Variants in ANKRD1 observed in about 807,000 individuals in gnomAD.
The protein encoded by ANKRD1 is ankyrin repeat domain-containing protein 1.
A neutral mutation model predicts 40.1 loss-of-function variants in ANKRD1; 32 were observed. That is an observed-to-expected ratio of 0.80 (90% CI 0.60 to 1.07). The LOEUF is 1.07. ANKRD1 is among the 50% of genes least tolerant of loss of function. The probability of loss-of-function intolerance (pLI) is 0.00; values close to 1 mark genes in which losing one functional copy is unlikely to be tolerated. For synonymous variants in ANKRD1, 149 were observed against 141.2 expected (o/e 1.06, Z -0.39); for missense variants, 359 against 386.0 (o/e 0.93, Z 0.59).
chr10:90,918,397 A>G (rs185141753), intron 4 of ANKRD1, among the ~76,000 whole-genome samples: 26 of 152,256 alleles, frequency 1.7e-4, no homozygotes, highest in African/African-American at 5.8e-4. Context: ...CCAATGCCCC[A>G]TGTTTACAGA....
chr10:90,916,192 T>G lies in ANKRD1; in HGVS notation c.630A>C (p.Ala210=), dbSNP rs751422509. 1 of 1,613,740 alleles carries G rather than the reference T, an allele frequency of 6.2e-7. No individual in the cohort carries two copies. Among genetic ancestry groups the G allele is most frequent in the African/African-American group, 1.3e-5 (1 of 74,852 alleles). ...DVLKLLLNKG[A]KISARDKLLS... ...ATACCTTATCTCGGGCGCTAATTTTTGCTCCTTTATTCAGCAACAATTTTA... is the reference window on the plus strand; with the variant it reads ...ATACCTTATCTCGGGCGCTAATTTTGGCTCCTTTATTCAGCAACAATTTTA... Residue 210 remains alanine (A), a synonymous_variant, in exon 6 of 9, where the codon GCA becomes GCC. Coordinates refer to ENST00000371697, the MANE Select transcript of ANKRD1 (RefSeq NM_014391.3).
chr10:90,917,765 CATTA>C lies in ANKRD1; in HGVS notation c.515_518del (p.Leu172TrpfsTer30). The C allele has an allele frequency of 6.2e-7, 1 of 1,614,050 alleles. No homozygotes were observed. The highest frequency in any genetic ancestry group is 8.5e-7 in the Non-Finnish European group (1 of 1,179,944). ...GGAATTCGATCTGGGCTCCAGCTTCCATTAACTTCTCCACAATTGCCAAATGTCC... is the reference window on the plus strand; with the variant it reads ...GGAATTCGATCTGGGCTCCAGCTTCCACTTCTCCACAATTGCCAAATGTCC... On this transcript the variant is annotated frameshift_variant, in exon 5 of 9. Coordinates refer to ENST00000371697, the MANE Select transcript of ANKRD1 (RefSeq NM_014391.3). LOFTEE classifies it high-confidence loss of function.
chr10:90,915,781 C>G lies in ANKRD1; in HGVS notation c.750+1G>C, dbSNP rs766707531. The G allele has an allele frequency of 2.5e-6, 4 of 1,613,796 alleles. No individual in the cohort carries two copies. Among genetic ancestry groups the G allele is most frequent in the African/African-American group, 1.3e-5 (1 of 74,830 alleles). Reference sequence around the variant, plus strand: ...AAACCCGAGCGTGTCCAGCTACTCACTCTGTCTTTGGCGTTGAGGTCTGCC... The same window carrying G: ...AAACCCGAGCGTGTCCAGCTACTCAGTCTGTCTTTGGCGTTGAGGTCTGCC... On this transcript the variant is annotated splice_donor_variant, in intron 7 of 8. Transcript: ENST00000371697. LOFTEE classifies it high-confidence loss of function.
In ANKRD1 at chr10:90,916,225, C is replaced by A; in HGVS notation, c.597G>T (p.Leu199=). The part of the protein sequence containing the change: ...AIHWASRGGN[L]DVLKLLLNKG... Reference sequence around the variant, plus strand: ...TATTCAGCAACAATTTTAAAACATCCAGGTTTCCTCCACGGCTTGCCCAGT... The same window carrying A: ...TATTCAGCAACAATTTTAAAACATCAAGGTTTCCTCCACGGCTTGCCCAGT... The change falls in exon 6 of 9, where the codon CTG becomes CTT. Residue 199 remains leucine, a synonymous_variant. Coordinates refer to ENST00000371697, the MANE Select transcript of ANKRD1 (RefSeq NM_014391.3). 1 of 1,613,980 alleles carries A rather than the reference C, an allele frequency of 6.2e-7. No homozygotes were observed.
rs757040674 is a variant in ANKRD1 at position 90,920,348 on chromosome 10, C to T, written c.28G>A (p.Val10Ile). ...CCATTGCCATTCTTCTTTCCAGTGA[C>T]CTATGAGGGAAGAAGATGGCAGCGT... MMVLKVEEL[V>I]TGKKNGNGEA... The change falls in exon 2 of 9, where the codon GTC (valine) becomes ATC (isoleucine). Residue 10 changes from valine to isoleucine, a missense_variant and splice_region_variant. By Grantham distance (29) the Val-to-Ile change is conservative. Transcript: ENST00000371697. 14 of 1,613,904 alleles carry T rather than the reference C, an allele frequency of 8.7e-6. No homozygotes were observed. The South Asian group carries it at 8.8e-5, about 10-fold the overall frequency.
chr10:90,919,299 G>T (rs1847408461), intron 2 of ANKRD1, 31 bp from the exon 3 acceptor site: 1 of 1,582,000 alleles, frequency 6.3e-7, no homozygotes, highest in Non-Finnish European at 8.6e-7. Flanking sequence ...TCAAAAATAT[G>T]GTGAGTTCTA....
Position 90,912,797 on chromosome 10 carries a change from G to A in ANKRD1, c.*69C>T. On this transcript the variant is annotated 3_prime_UTR_variant, in exon 9 of 9. Coordinates refer to ENST00000371697, the MANE Select transcript of ANKRD1 (RefSeq NM_014391.3). Reference sequence around the variant, plus strand: ...ATAGAAACTAGATTTTATGGCTAGTGTCTCTTCTCTTGGGCCATGCCTTCA... The same window carrying A: ...ATAGAAACTAGATTTTATGGCTAGTATCTCTTCTCTTGGGCCATGCCTTCA... 2.2e-6 allele frequency: 3 copies of A among 1,367,166 alleles called. No individual in the cohort carries two copies. The highest frequency in any genetic ancestry group is 3.1e-6 in the Non-Finnish European group (3 of 955,450). 84.7% of individuals were successfully genotyped at this position (1,367,166 alleles called of 1,614,324 possible).
In ANKRD1 at chr10:90,919,741, A is replaced by G. The variant is rs571158565; in HGVS notation, c.207+428T>C. 1.2e-3 allele frequency among the ~76,000 whole-genome samples: 181 copies of G among 152,358 alleles called. 1 individual carries two copies. Among genetic ancestry groups the G allele is most frequent in the African/African-American group, 4.2e-3 (173 of 41,582 alleles). ...GACTGTCCAGGGACCACAGCTAACT[A>G]AAGCAAATTTTATCTGTGTTAGTAA... On this transcript the variant is annotated intron_variant, in intron 2 of 8. Transcript: ENST00000371697.
intron 8 of ANKRD1, 136 bp downstream of exon 8, chr10:90,915,407 G>A: frequency 1.3e-6 from 1 of 783,338 alleles, no homozygotes; most frequent in Non-Finnish European, 2.2e-6. Flanking sequence ...CACTGTCCTT[G>A]GGGAAATGGG....
intron 4 of ANKRD1, 24 bp from the exon 5 acceptor site, chr10:90,917,854 A>G (rs752541765): frequency 3.8e-6 from 6 of 1,572,708 alleles, no homozygotes; most frequent in African/African-American, 1.4e-5. Context: ...GATTTTAAAC[A>G]GAGATAGCAA....
At position 90,920,324 on chromosome 10, in the gene ANKRD1, C is replaced by T. The variant is rs778081649; in HGVS notation, c.52G>A (p.Gly18Arg). The T allele has an allele frequency of 1.7e-5, 27 of 1,614,154 alleles. 1 individual carries two copies. In the South Asian group the frequency reaches 2.9e-4, roughly 17 times the overall value. Residue 18 changes from glycine (G) to arginine (R), a missense_variant, in exon 2 of 9, where the codon GGG (glycine) becomes AGG (arginine). Gly to Arg is a moderately radical substitution (Grantham distance 125). Transcript: ENST00000371697. ...TCAGGAAGGAATTCCCCTGCCTCCC[C>T]ATTGCCATTCTTCTTTCCAGTGACC... ...ELVTGKKNGN[G>R]EAGEFLPEDF...
rs1477558904 is a variant in ANKRD1 at position 90,919,147 on chromosome 10, G to T, written c.329C>A (p.Pro110Gln). 5 of 1,611,346 alleles carry T rather than the reference G, an allele frequency of 3.1e-6. No individual in the cohort carries two copies. The highest frequency in any genetic ancestry group is 1.7e-5 in the Admixed American group (1 of 59,892). ...AGCCCTTACAATGATTTCAGGTTCTGGTTCCTTTACAACTGGAACTTTAGT... is the reference window on the plus strand; with the variant it reads ...AGCCCTTACAATGATTTCAGGTTCTTGTTCCTTTACAACTGGAACTTTAGT... ...RKTKVPVVKE[P>Q]EPEIITEPVD... The change falls in exon 3 of 9, where the codon CCA becomes CAA. Residue 110 changes from proline to glutamine, a missense_variant. Transcript: ENST00000371697.
At chr10:90,919,638 A>G (rs1405935201) in intron 2 of ANKRD1, among the ~76,000 whole-genome samples, 1 of 152,232 alleles carries the variant, frequency 6.6e-6, no homozygotes, top group African/African-American at 2.4e-5. Flanking sequence ...TGAGCATGAT[A>G]AAAAGAATCT....
chr10:90,918,933 G>C lies in ANKRD1; in HGVS notation c.385C>G (p.Leu129Val), dbSNP rs1243121367. ...TCTACTACTGGCAGTTTATTCTCCA[G>C]AGCAGCCTTCAGAAACGTAGGCACA... The part of the protein sequence containing the change: ...VDVPTFLKAA[L>V]ENKLPVVEKF... The change falls in exon 4 of 9, where the codon CTG becomes GTG. Residue 129 changes from leucine to valine, a missense_variant. Coordinates refer to ENST00000371697, the MANE Select transcript of ANKRD1 (RefSeq NM_014391.3). 1 of 1,610,294 alleles carries C rather than the reference G, an allele frequency of 6.2e-7. No individual in the cohort carries two copies. The highest frequency in any genetic ancestry group is 1.4e-5 in the African/African-American group (1 of 73,738).
intron 8 of ANKRD1, among the ~76,000 whole-genome samples, chr10:90,913,933 T>G (rs1005668162): frequency 3.3e-5 from 5 of 152,148 alleles, no homozygotes; most frequent in African/African-American, 1.2e-4. Context: ...AGGGCCACCT[T>G]TAAAAGAGTT....
At position 90,916,449 on chromosome 10, in the gene ANKRD1, T is replaced by C. The variant is rs112699543; in HGVS notation, c.553-180A>G. Reference sequence around the variant, plus strand: ...AATTACATGTGTGTGTGTGTGTGTGTGCATATGTGTGTCTTATTAGGAGGC... The same window carrying C: ...AATTACATGTGTGTGTGTGTGTGTGCGCATATGTGTGTCTTATTAGGAGGC... On this transcript the variant is annotated intron_variant, in intron 5 of 8. Coordinates refer to ENST00000371697, the MANE Select transcript of ANKRD1 (RefSeq NM_014391.3). 2.2e-4 allele frequency among the ~76,000 whole-genome samples: 33 copies of C among 149,614 alleles called. 2 individuals carry two copies. The highest frequency in any genetic ancestry group is 3.7e-4 in the African/African-American group (15 of 40,250).
In ANKRD1 at chr10:90,915,563, C is replaced by G. The variant is rs1159310139; in HGVS notation, c.829G>C (p.Asp277His). Residue 277 changes from aspartate (D) to histidine (H), a missense_variant, in exon 8 of 9, where the codon GAT (aspartate) becomes CAT (histidine). Asp to His is a moderately conservative substitution (Grantham distance 81). Coordinates refer to ENST00000371697, the MANE Select transcript of ANKRD1 (RefSeq NM_014391.3). ...CTTACACAGTTCTTGATGTTGAGAT[C>G]CGCGCCATACATAATCAGGAGTCGG... ...MIRLLIMYGA[D>H]LNIKNCAGKT... The G allele has an allele frequency of 1.2e-6, 2 of 1,613,496 alleles. No individual in the cohort carries two copies. The highest frequency in any genetic ancestry group is 3.3e-4 in the Middle Eastern group (2 of 6,060).
chr10:90,913,329 G>T (rs747652740), intron 8 of ANKRD1, among the ~76,000 whole-genome samples: 1 of 152,204 alleles, frequency 6.6e-6, no homozygotes. Context: ...GGAGGTGGGA[G>T]CATGCCTCTT....
At chr10:90,913,928 C>T (rs1055190404) in intron 8 of ANKRD1, among the ~76,000 whole-genome samples, 8 of 152,084 alleles carry the variant, frequency 5.3e-5, no homozygotes, top group African/African-American at 1.9e-4. Flanking sequence ...GGGGAAGGGC[C>T]ACCTTTAAAA....
Sources: allele counts gnomAD v4.1 joint callset (sites outside exome capture counted in the v4.1 genomes callset), GRCh38; gene constraint gnomAD v4.1.1; transcripts MANE v1.5; gene names NCBI Gene and HGNC (gene_info 2026-07-23, HGNC 2026-07-21).